The following ELF4 variants were observed in gnomAD, a reference collection of about 807,000 sequenced individuals.
ELF4 encodes ETS-related transcription factor Elf-4.
In ELF4, 10 loss-of-function variants were observed where a neutral mutation model predicts 31.7. The ratio of observed to expected loss-of-function variants is 0.32; its 90% CI spans 0.19 to 0.54. ELF4 has a LOEUF of 0.54. Among genes scored for constraint, ELF4 ranks in the 20% least tolerant of loss-of-function variants. The probability of loss-of-function intolerance (pLI) is 0.95; values close to 1 mark genes in which losing one functional copy is unlikely to be tolerated. For synonymous variants in ELF4, 208 were observed against 226.7 expected, an observed-to-expected ratio of 0.92 and a Z score of 0.74; for missense variants, 418 against 522.0, an observed-to-expected ratio of 0.80 and a Z score of 1.94.
At chrX:130,083,074 G>T (rs1243437251) in intron 1 of ELF4, among the ~76,000 whole-genome samples, 2 of 109,248 alleles carry the variant, frequency 1.8e-5, no homozygotes, top group East Asian at 5.8e-4. Flanking sequence ...CACAGGGCTG[G>T]CCGTGCCTTT....
At chrX:130,093,939 A>G (rs981271346) in intron 1 of ELF4, among the ~76,000 whole-genome samples, 1 of 112,365 alleles carries the variant, frequency 8.9e-6, no homozygotes, top group Non-Finnish European at 1.9e-5. Flanking sequence ...GCCTCCTGTC[A>G]TGAGAGCAGG....
chrX:130,070,562 A>G (rs1318845678), intron 7 of ELF4, among the ~76,000 whole-genome samples: 5 of 107,452 alleles, frequency 4.7e-5, no homozygotes, highest in African/African-American at 6.8e-5. Flanking sequence ...GTGACAGAGC[A>G]AGACTCCGTC....
intron 2 of ELF4, among the ~76,000 whole-genome samples, chrX:130,077,469 T>A (rs753606877): frequency 1.8e-5 from 2 of 111,803 alleles, no homozygotes; most frequent in Non-Finnish European, 3.8e-5. Context: ...CTAATTTTTG[T>A]ATTTTTAGTA....
At chrX:130,091,229 C>G (rs1603207537) in intron 1 of ELF4, among the ~76,000 whole-genome samples, 2 of 110,660 alleles carry the variant, frequency 1.8e-5, no homozygotes, top group African/African-American at 6.6e-5. Flanking sequence ...GAGTTTGAGA[C>G]CAGCCTGGCC....
chrX:130,077,477 G>T, intron 2 of ELF4, among the ~76,000 whole-genome samples: 1 of 111,770 alleles, frequency 8.9e-6, no homozygotes, highest in Non-Finnish European at 1.9e-5. Context: ...TGTATTTTTA[G>T]TAGAGACAGG....
chrX:130,099,912 C>T (rs750896716), intron 1 of ELF4, among the ~76,000 whole-genome samples: 1 of 112,037 alleles, frequency 8.9e-6, no homozygotes, highest in East Asian at 2.8e-4. Context: ...GCTAGGATTA[C>T]AGGCATGAGC....
intron 1 of ELF4, among the ~76,000 whole-genome samples, chrX:130,091,960 C>T (rs1233452340): frequency 4.5e-5 from 5 of 112,114 alleles, no homozygotes; most frequent in African/African-American, 6.5e-5. Context: ...TGTGGTTTTC[C>T]GCTGCCCCCA....
chrX:130,096,180 T>TTTTG (rs1933147210), intron 1 of ELF4, among the ~76,000 whole-genome samples: 1 of 110,864 alleles, frequency 9.0e-6, no homozygotes, highest in South Asian at 3.8e-4. Flanking sequence ...TTTGGGTTTT[T>TTTTG]TTTTGTTTTG....
intron 8 of ELF4, among the ~76,000 whole-genome samples, chrX:130,068,151 G>C (rs1015797377): frequency 8.9e-6 from 1 of 112,009 alleles, no homozygotes; most frequent in African/African-American, 3.2e-5. Flanking sequence ...AGGTATATAG[G>C]TCAGGGATCA....
At chrX:130,106,315 A>G (rs1329903025) in intron 1 of ELF4, among the ~76,000 whole-genome samples, 1 of 110,186 alleles carries the variant, frequency 9.1e-6, no homozygotes, top group Admixed American at 9.7e-5. Flanking sequence ...CTCGCCTCTG[A>G]TTGTTTCAGT....
At chrX:130,107,512 C>T (rs905371065) in intron 1 of ELF4, among the ~76,000 whole-genome samples, 1 of 111,020 alleles carries the variant, frequency 9.0e-6, no homozygotes, top group African/African-American at 3.3e-5. Flanking sequence ...TGACATATCC[C>T]CTCTCCCTGA....
At chrX:130,089,509 CAAAAA>C (rs777456574) in intron 1 of ELF4, among the ~76,000 whole-genome samples, 2 of 19,459 alleles carry the variant, frequency 1.0e-4, no homozygotes, top group Admixed American at 1.0e-3. Context: ...GACCTCAGCT[CAAAAA>C]AAAAAAAAAA....
intron 1 of ELF4, among the ~76,000 whole-genome samples, chrX:130,104,277 TACACACACACACACACAC>T (rs61193112): frequency 2.3e-5 from 2 of 86,418 alleles, no homozygotes; most frequent in South Asian, 6.3e-4. Flanking sequence ...TTCAGTATAT[TACACACACACACACACAC>T]ACACACACAC....
intron 1 of ELF4, among the ~76,000 whole-genome samples, chrX:130,102,910 GAA>G (rs1348360608): frequency 1.5e-4 from 15 of 101,981 alleles, no homozygotes; most frequent in African/African-American, 5.6e-4. Flanking sequence ...AAGAAAGAAA[GAA>G]AGAAAGAAAG....
intron 1 of ELF4, among the ~76,000 whole-genome samples, chrX:130,088,815 T>C (rs1269528721): frequency 1.8e-5 from 2 of 112,166 alleles, no homozygotes; most frequent in Admixed American, 1.9e-4. Context: ...GTCAGATAAC[T>C]TTTATTGAAG....
chrX:130,067,700 G>A (rs1466286683), intron 8 of ELF4, among the ~76,000 whole-genome samples, 175 bp from the exon 9 acceptor site: 1 of 112,152 alleles, frequency 8.9e-6, no homozygotes, highest in Non-Finnish European at 1.9e-5. Flanking sequence ...GGAGTGCAGT[G>A]ACACGATTAC....
chrX:130,089,886 G>A (rs1470434182), intron 1 of ELF4, among the ~76,000 whole-genome samples: 1 of 112,239 alleles, frequency 8.9e-6, no homozygotes, highest in Non-Finnish European at 1.9e-5. Flanking sequence ...GTCACTTGAG[G>A]TCAGGAGTTC....
Position 130,065,204 on chromosome X carries a change from G to A in ELF4, c.*1517C>T, listed in dbSNP as rs756341927. On this transcript the variant is annotated 3_prime_UTR_variant, in exon 9 of 9. Transcript: ENST00000308167. ...TTACCCAAAGTCACCAGATAATAGA[G>A]TTGTTTCCGTGGCTGACATTTCTTA... 5.8e-6 allele frequency: 1 copy of A among 173,873 alleles called. No individual in the cohort carries two copies. Among genetic ancestry groups the A allele is most frequent in the South Asian group, 3.1e-4 (1 of 3,185 alleles). 14.3% of individuals were successfully genotyped at this position (173,873 alleles called of 1,213,427 possible).
chrX:130,066,951 A>G lies in ELF4; in HGVS notation c.1762T>C (p.Ser588Pro). ...TTGCCCAGAAGGCTCGGATTGTGGG[A>G]ACCCCTGGAAACCACCTGGGTTGGA... ...PLPTQVVSRG[S>P]HNPSLLGNQT... Residue 588 changes from serine (S) to proline (P), a missense_variant, in exon 9 of 9, where the codon TCC becomes CCC. This residue lies in a region of ELF4 where 260 missense variants were observed against 269.2 expected (regional missense o/e 0.97). Transcript: ENST00000308167. 2 of 1,211,953 alleles carry G rather than the reference A, an allele frequency of 1.7e-6. No individual in the cohort carries two copies. Among genetic ancestry groups the G allele is most frequent in the Non-Finnish European group, 2.2e-6 (2 of 895,546 alleles).
Sources: gnomAD v4.1 joint callset for allele counts (sites outside exome capture counted in the v4.1 genomes callset) on GRCh38, gnomAD v4.1.1 for gene constraint, gnomAD v4.1.1 regional missense constraint, MANE v1.5 for transcripts, NCBI Gene and HGNC (gene_info 2026-07-23, HGNC 2026-07-21) for gene names.